The following WDR17 variants were observed in gnomAD, a reference collection of about 807,000 sequenced individuals.
WDR17 encodes WD repeat domain 17.
In WDR17, 143 loss-of-function variants were observed where a neutral mutation model predicts 161.7. That is an observed-to-expected ratio of 0.88 (90% CI 0.77 to 1.02). The LOEUF is 1.02. Among genes scored for constraint, WDR17 ranks in the 50% least tolerant of loss-of-function variants. WDR17 has a pLI of 0.00. For synonymous variants in WDR17, 517 were observed against 515.6 expected (o/e 1.00, Z -0.04); for missense variants, 1,469 against 1,520.9 (o/e 0.97, Z 0.57).
At chr4:176,143,398 C>T (rs1248741674) in intron 11 of WDR17, among the ~76,000 whole-genome samples, 1 of 151,874 alleles carries the variant, frequency 6.6e-6, no homozygotes, top group Non-Finnish European at 1.5e-5. Flanking sequence ...GGTATGGTGG[C>T]TCATGCCTCT....
chr4:176,120,431 C>T (rs978419101), intron 4 of WDR17, among the ~76,000 whole-genome samples: 4 of 151,596 alleles, frequency 2.6e-5, no homozygotes, highest in African/African-American at 9.7e-5. Context: ...TACTAAAAAA[C>T]AACCTGAATG....
chr4:176,091,544 A>G (rs1736122068), intron 1 of WDR17, among the ~76,000 whole-genome samples: 1 of 152,170 alleles, frequency 6.6e-6, no homozygotes, highest in Non-Finnish European at 1.5e-5. Flanking sequence ...AAAAAAGTGG[A>G]AAAACTTGAA....
intron 1 of WDR17, among the ~76,000 whole-genome samples, chr4:176,093,407 TCA>T (rs1251828244): frequency 2.6e-5 from 4 of 152,022 alleles, no homozygotes; most frequent in Non-Finnish European, 5.9e-5. Flanking sequence ...AATGGAGAAA[TCA>T]CAGAGTACTT....
chr4:176,132,940 T>C (rs1335549857), intron 7 of WDR17, among the ~76,000 whole-genome samples: 1 of 151,656 alleles, frequency 6.6e-6, no homozygotes, highest in African/African-American at 2.4e-5. Context: ...TTTGCTGATA[T>C]GTCCTGAGTT....
chr4:176,179,754 T>TAA lies in WDR17; in HGVS notation c.*176_*177dup, dbSNP rs1751966197. On this transcript the variant is annotated 3_prime_UTR_variant, in exon 29 of 29. Coordinates refer to ENST00000508596, the MANE Select transcript of WDR17 (RefSeq NM_181265.4). ...TAACTTCAAAATATATATATATATA[T>TAA]AATTTAAAGGAAAAATAGGTGCCTC... is the stretch of plus-strand genomic sequence containing the variant. The TAA allele has an allele frequency of 3.4e-6, 1 of 297,636 alleles. No individual in the cohort carries two copies. The highest frequency in any genetic ancestry group is 2.2e-5 in the African/African-American group (1 of 45,242). The allele number at this position is 297,636 out of a possible 1,614,324, so 18.4% of individuals were successfully genotyped here.
At chr4:176,121,545 T>A (rs1169058665) in intron 4 of WDR17, among the ~76,000 whole-genome samples, 1 of 152,206 alleles carries the variant, frequency 6.6e-6, no homozygotes, top group Non-Finnish European at 1.5e-5. Context: ...AAACTAGATC[T>A]GAAGAAGATA....
At chr4:176,129,657 C>A (rs1018186905) in intron 6 of WDR17, among the ~76,000 whole-genome samples, 2 of 151,998 alleles carry the variant, frequency 1.3e-5, no homozygotes, top group Admixed American at 6.6e-5. Flanking sequence ...TTATAATATA[C>A]CAAGTAATTA....
At chr4:176,073,875 A>G (rs1329452491) in intron 1 of WDR17, among the ~76,000 whole-genome samples, 2 of 151,338 alleles carry the variant, frequency 1.3e-5, no homozygotes, top group East Asian at 3.9e-4. Flanking sequence ...GCATTTTTTC[A>G]TGTGTTTTTT....
intron 1 of WDR17, among the ~76,000 whole-genome samples, chr4:176,080,733 C>A (rs1427536912): frequency 6.6e-6 from 1 of 152,052 alleles, no homozygotes; most frequent in Non-Finnish European, 1.5e-5. Context: ...TGCTTGAGAA[C>A]GTTCTCCTTT....
chr4:176,137,663 A>G (rs1297971140), intron 9 of WDR17, 52 bp downstream of exon 9: 1 of 1,107,694 alleles, frequency 9.0e-7, no homozygotes, highest in East Asian at 3.0e-5. Flanking sequence ...ACTATTTTGT[A>G]TTTATTTTGT....
chr4:176,087,253 T>G (rs1735535846), intron 1 of WDR17, among the ~76,000 whole-genome samples: 1 of 152,064 alleles, frequency 6.6e-6, no homozygotes, highest in Admixed American at 6.6e-5. Context: ...TTACTAGGTT[T>G]TGTTTGTATG....
At chr4:176,157,069 G>A (rs1234734207) in intron 18 of WDR17, among the ~76,000 whole-genome samples, 3 of 152,046 alleles carry the variant, frequency 2.0e-5, no homozygotes, top group African/African-American at 7.2e-5. Context: ...ACATTCACAG[G>A]TATCGTGGGT....
chr4:176,158,063 C>T (rs184272009), intron 18 of WDR17, among the ~76,000 whole-genome samples: 14 of 152,220 alleles, frequency 9.2e-5, no homozygotes, highest in Non-Finnish European at 1.8e-4. Context: ...GCCTTGTAAA[C>T]GTAGTAAGCT....
chr4:176,150,637 G>A, intron 16 of WDR17, 44 bp downstream of exon 16: 1 of 1,531,248 alleles, frequency 6.5e-7, no homozygotes, highest in Non-Finnish European at 8.7e-7. Flanking sequence ...CAAATTTTTT[G>A]CCTTTTCACT....
intron 1 of WDR17, among the ~76,000 whole-genome samples, chr4:176,070,820 T>C (rs1395616946): frequency 6.6e-6 from 1 of 151,804 alleles, no homozygotes; most frequent in Admixed American, 6.6e-5. Context: ...CTGGCCCTGT[T>C]TTTGTTTTTG....
Position 176,181,441 on chromosome 4 carries a change from T to TG in WDR17, c.*1865dup, listed in dbSNP as rs1265845111. The TG allele has an allele frequency of 1.5e-5, 3 of 204,842 alleles. No homozygotes were observed. Among genetic ancestry groups the TG allele is most frequent in the African/African-American group, 7.1e-5 (3 of 42,088 alleles). 12.7% of individuals were successfully genotyped at this position (204,842 alleles called of 1,614,324 possible). ...GAGATCGCACTACTGCACTCCAGCC[T>TG]GGGCGACAGAGCAAGACCACCATCT... On this transcript the variant is annotated 3_prime_UTR_variant, in exon 29 of 29. Coordinates refer to ENST00000508596, the MANE Select transcript of WDR17 (RefSeq NM_181265.4).
intron 24 of WDR17, among the ~76,000 whole-genome samples, 186 bp downstream of exon 24, chr4:176,172,702 T>C (rs1017721816): frequency 1.3e-5 from 2 of 152,172 alleles, no homozygotes; most frequent in African/African-American, 4.8e-5. Flanking sequence ...ATGGCACTGG[T>C]ATCTGCTCAG....
At chr4:176,118,980 AAAAT>A (rs1276073676) in intron 3 of WDR17, among the ~76,000 whole-genome samples, 21 of 151,854 alleles carry the variant, frequency 1.4e-4, no homozygotes, top group Admixed American at 7.2e-4. Flanking sequence ...TAATTATTAT[AAAAT>A]AAATAAATAA....
chr4:176,097,024 T>C (rs1032974700), intron 1 of WDR17, among the ~76,000 whole-genome samples: 5 of 151,962 alleles, frequency 3.3e-5, no homozygotes, highest in African/African-American at 1.2e-4. Context: ...GAGTGCCATG[T>C]TGCATCTGAT....
Sources: gnomAD v4.1 joint callset for allele counts (sites outside exome capture counted in the v4.1 genomes callset) on GRCh38, gnomAD v4.1.1 for gene constraint, MANE v1.5 for transcripts, NCBI Gene and HGNC (gene_info 2026-07-23, HGNC 2026-07-21) for gene names.